Variants in ASPH observed in about 807,000 individuals in gnomAD.
ASPH encodes the protein aspartyl/asparaginyl beta-hydroxylase.
A neutral mutation model predicts 118.4 loss-of-function variants in ASPH; 100 were observed. That is an observed-to-expected ratio of 0.84 (90% CI 0.72 to 1.00). The LOEUF is 1.00. ASPH is among the 50% of genes least tolerant of loss of function. The pLI, the probability that ASPH is intolerant of heterozygous loss-of-function variation, is 0.00. For missense variants in ASPH, 920 were observed against 919.5 expected (o/e 1.00, Z -0.01); for synonymous variants, 315 against 325.6 (o/e 0.97, Z 0.35).
At chr8:61,662,976 C>A (rs1051358455) in intron 3 of ASPH, 2 of 984,896 alleles carry the variant, frequency 2.0e-6, no homozygotes. Context: ...TAAAAATTAC[C>A]AGAATGCTCT....
chr8:61,502,040 T>C lies in ASPH; in HGVS notation c.*1319A>G, dbSNP rs1260124495. On this transcript the variant is annotated 3_prime_UTR_variant, in exon 25 of 25. Coordinates refer to ENST00000379454, the MANE Select transcript of ASPH (RefSeq NM_004318.4). ...TCCTAGTTAGCTTTGATTCAAAATA[T>C]ACAAAATCTGATACATGAATACTTT... is the stretch of plus-strand genomic sequence containing the variant. 4 of 152,184 alleles carry C rather than the reference T, an allele frequency of 2.6e-5. No individual in the cohort carries two copies. The highest frequency in any genetic ancestry group is 9.7e-5 in the African/African-American group (4 of 41,450). The allele number at this position is 152,184 out of a possible 1,614,324, so 9.4% of individuals were successfully genotyped here.
At chr8:61,691,685 G>A (rs528442012) in intron 1 of ASPH, among the ~76,000 whole-genome samples, 4 of 152,206 alleles carry the variant, frequency 2.6e-5, no homozygotes, top group East Asian at 1.9e-4. Context: ...TTTGCTTCAC[G>A]GCTTCTCCAT....
In ASPH at chr8:61,502,065, T is replaced by A. The variant is rs1343653914; in HGVS notation, c.*1294A>T. On this transcript the variant is annotated 3_prime_UTR_variant, in exon 25 of 25. Coordinates refer to ENST00000379454, the MANE Select transcript of ASPH (RefSeq NM_004318.4). ...TACAAAATCTGATACATGAATACTT[T>A]GCTAGATTAATGACTTGATCATCTT... The A allele has an allele frequency of 6.6e-6, 1 of 152,218 alleles. No individual in the cohort carries two copies. The highest frequency in any genetic ancestry group is 1.5e-5 in the Non-Finnish European group (1 of 68,034). The allele number at this position is 152,218 out of a possible 1,614,324, so 9.4% of individuals were successfully genotyped here.
At chr8:61,678,643 G>GA (rs553199827) in intron 3 of ASPH, among the ~76,000 whole-genome samples, 8 of 150,484 alleles carry the variant, frequency 5.3e-5, no homozygotes, top group South Asian at 2.1e-4. Flanking sequence ...TAAGAATCTA[G>GA]AAAAAAAAAC....
intron 14 of ASPH, among the ~76,000 whole-genome samples, chr8:61,589,925 A>T (rs1429615209): frequency 6.6e-6 from 1 of 152,148 alleles, no homozygotes; most frequent in Admixed American, 6.5e-5. Flanking sequence ...TCTTGGGGAA[A>T]CTAAAAACTT....
At chr8:61,594,300 T>G (rs1359591147) in intron 14 of ASPH, among the ~76,000 whole-genome samples, 2 of 152,258 alleles carry the variant, frequency 1.3e-5, no homozygotes, top group Non-Finnish European at 2.9e-5. Flanking sequence ...TTTATTAATT[T>G]TGCTTAAATG....
At position 61,706,941 on chromosome 8, in the gene ASPH, T is replaced by C. The variant is rs200995979; in HGVS notation, c.103+7328A>G. ...TTTTAAAAAACAATACTGAATTAGA[T>C]CCCTAATAACAAAATATACAATAAA... On this transcript the variant is annotated intron_variant, in intron 1 of 24. Transcript: ENST00000379454. 3.3e-5 allele frequency among the ~76,000 whole-genome samples: 5 copies of C among 152,220 alleles called. No individual in the cohort carries two copies. In the East Asian group the frequency reaches 9.6e-4, roughly 29 times the overall value.
intron 14 of ASPH, among the ~76,000 whole-genome samples, chr8:61,607,504 T>C (rs1201835218): frequency 2.0e-5 from 3 of 152,208 alleles, no homozygotes; most frequent in Non-Finnish European, 4.4e-5. Context: ...TAAAGTGCTA[T>C]ATATTCACCT....
At chr8:61,565,942 A>G (rs1298381062) in intron 17 of ASPH, among the ~76,000 whole-genome samples, 3 of 152,214 alleles carry the variant, frequency 2.0e-5, no homozygotes, top group Non-Finnish European at 4.4e-5. Flanking sequence ...AGTCTGGATG[A>G]TAGGACATCT....
intron 1 of ASPH, among the ~76,000 whole-genome samples, chr8:61,700,552 C>A (rs957515730): frequency 2.0e-5 from 3 of 152,192 alleles, no homozygotes; most frequent in Non-Finnish European, 2.9e-5. Context: ...AGCATCCAGG[C>A]AGATAAAGAT....
At chr8:61,521,276 GACC>G (rs1192658132) in intron 22 of ASPH, among the ~76,000 whole-genome samples, 1 of 152,140 alleles carries the variant, frequency 6.6e-6, no homozygotes, top group Non-Finnish European at 1.5e-5. Flanking sequence ...CCAGACCAGA[GACC>G]ACCTCTCCAC....
chr8:61,529,300 T>G (rs2129629813), intron 21 of ASPH, among the ~76,000 whole-genome samples: 1 of 152,308 alleles, frequency 6.6e-6, no homozygotes, highest in Admixed American at 6.5e-5. Flanking sequence ...CTCAGAGATT[T>G]ACTGGGTACC....
chr8:61,708,506 GC>G (rs1268310041), intron 1 of ASPH, among the ~76,000 whole-genome samples: 1 of 152,088 alleles, frequency 6.6e-6, no homozygotes, highest in Non-Finnish European at 1.5e-5. Flanking sequence ...ATTGAAAGCA[GC>G]CTGTGAAAGA....
chr8:61,570,938 G>A (rs1041211724), intron 16 of ASPH, among the ~76,000 whole-genome samples: 1 of 152,014 alleles, frequency 6.6e-6, no homozygotes, highest in Non-Finnish European at 1.5e-5. Context: ...ATTAATTTTG[G>A]TGATATGAAG....
chr8:61,619,148 A>G (rs1257529224), intron 13 of ASPH, 129 bp from the exon 14 acceptor site: 1 of 596,846 alleles, frequency 1.7e-6, no homozygotes, highest in East Asian at 3.1e-5. Flanking sequence ...ATACAATTCA[A>G]TTTTCCTAAA....
intron 5 of ASPH, among the ~76,000 whole-genome samples, chr8:61,649,525 A>C (rs1809804667): frequency 6.6e-6 from 1 of 152,188 alleles, no homozygotes; most frequent in South Asian, 2.1e-4. Flanking sequence ...CATACAAAGA[A>C]TATTTATAAC....
intron 21 of ASPH, among the ~76,000 whole-genome samples, chr8:61,540,404 C>T (rs1821414515): frequency 6.6e-6 from 1 of 152,152 alleles, no homozygotes; most frequent in Non-Finnish European, 1.5e-5. Context: ...AACACCTCAC[C>T]TGCCCCAGCT....
Position 61,694,898 on chromosome 8 carries a change from A to G in ASPH, c.104-10710T>C, listed in dbSNP as rs76820434. Among the ~76,000 whole-genome samples, 1,312 of 152,298 alleles carry G rather than the reference A, an allele frequency of 8.6e-3. 20 individuals are homozygous for G. The highest frequency in any genetic ancestry group is 0.028 in the African/African-American group (1,166 of 41,560). On this transcript the variant is annotated intron_variant, in intron 1 of 24. Transcript: ENST00000379454. ...CCTGTTCAGTGTCCTAAATCTCAGAAGCACTTCTGTGAAGCCAGTTGCTTA... is the reference window on the plus strand; with the variant it reads ...CCTGTTCAGTGTCCTAAATCTCAGAGGCACTTCTGTGAAGCCAGTTGCTTA...
intron 14 of ASPH, among the ~76,000 whole-genome samples, chr8:61,615,782 G>A (rs2134087882): frequency 6.6e-6 from 1 of 152,128 alleles, no homozygotes; most frequent in African/African-American, 2.4e-5. Flanking sequence ...TGCAAATGAG[G>A]GCCTATTTTG....
Sources: gnomAD v4.1 joint callset for allele counts (sites outside exome capture counted in the v4.1 genomes callset) on GRCh38, gnomAD v4.1.1 for gene constraint, MANE v1.5 for transcripts, NCBI Gene and HGNC (gene_info 2026-07-23, HGNC 2026-07-21) for gene names.